The following VPS53 variants were observed in gnomAD, a reference collection of about 807,000 sequenced individuals.
VPS53 encodes the protein vacuolar protein sorting-associated protein 53 homolog.
VPS53 carries 70 observed loss-of-function variants against 107.0 expected under a neutral mutation model. The ratio of observed to expected loss-of-function variants is 0.65; its 90% CI spans 0.54 to 0.80. The LOEUF (loss-of-function observed/expected upper bound fraction) is 0.80, where lower values mean the gene tolerates loss of function less well. VPS53 is among the 30% of genes least tolerant of loss of function. VPS53 has a pLI of 0.00. For missense variants in VPS53, 917 were observed against 1,049.4 expected, an observed-to-expected ratio of 0.87 and a Z score of 1.74; for synonymous variants, 409 against 393.3, an observed-to-expected ratio of 1.04 and a Z score of -0.47.
At chr17:535,080 G>A (rs567219282) in intron 18 of VPS53, among the ~76,000 whole-genome samples, 2 of 152,332 alleles carry the variant, frequency 1.3e-5, no homozygotes, top group African/African-American at 2.4e-5. Context: ...CCATCAGGGC[G>A]GTGGTGGCTG....
chr17:612,038 TCA>T lies in VPS53; in HGVS notation c.1117-10144_1117-10143del, dbSNP rs550566649. ...ACACAGTGAAAACCTGTACAAATAT[TCA>T]CAGTGAGTTCACACAGTGAAAACCT... On this transcript the variant is annotated intron_variant, in intron 11 of 21. Coordinates refer to ENST00000437048, the MANE Select transcript of VPS53 (RefSeq NM_001128159.3). Among the ~76,000 whole-genome samples, 375 of 137,850 alleles carry T rather than the reference TCA, an allele frequency of 2.7e-3. 1 individual carries two copies. The highest frequency in any genetic ancestry group is 9.7e-3 in the African/African-American group (354 of 36,606). 90.4% of individuals were successfully genotyped at this position (137,850 alleles called of 152,430 possible). A position where few individuals can be genotyped will look rare whatever the true frequency, so the allele number is the denominator to read the frequency against.
Position 519,287 on chromosome 17 carries a change from C to G in VPS53, c.2340G>C (p.Arg780Ser). 1 of 1,491,940 alleles carries G rather than the reference C, an allele frequency of 6.7e-7. No homozygotes were observed. Among genetic ancestry groups the G allele is most frequent in the Non-Finnish European group, 8.9e-7 (1 of 1,120,758 alleles). The allele number at this position is 1,491,940 out of a possible 1,614,324, so 92.4% of individuals were successfully genotyped here. The stretch of plus-strand genomic sequence containing the variant: ...GTTCCAGCATGCTGCTCTGCTCACT[C>G]CTCTTCAGCCCCTGAGGTTGAGAGA... ...QKILDMKGLK[R>S]SEQSSMLELL... Residue 780 changes from arginine (R) to serine (S), a missense_variant, in exon 22 of 22, where the codon AGG becomes AGC. Physicochemically the swap from Arg to Ser is moderately radical, Grantham distance 110. Transcript: ENST00000437048. The surrounding 1 kb of genome is among the most constrained non-coding windows in gnomAD (Gnocchi z 5.0).
At chr17:631,654 C>G (rs778918092) in intron 7 of VPS53, 26 bp from the exon 8 acceptor site, 1 of 1,603,532 alleles carries the variant, frequency 6.2e-7, no homozygotes, top group South Asian at 1.1e-5. Context: ...AACATATCAT[C>G]ACCTGGCATC....
At chr17:704,718 C>A (rs1973335106) in intron 2 of VPS53, among the ~76,000 whole-genome samples, 1 of 152,116 alleles carries the variant, frequency 6.6e-6, no homozygotes, top group Non-Finnish European at 1.5e-5. Context: ...AGACAAGACA[C>A]AGAACTGAAT....
chr17:650,085 TAAC>T (rs1390655913), intron 7 of VPS53, among the ~76,000 whole-genome samples: 1 of 152,174 alleles, frequency 6.6e-6, no homozygotes, highest in African/African-American at 2.4e-5. Flanking sequence ...AACGTTCACG[TAAC>T]AAGAATTCCA....
Position 714,729 on chromosome 17 carries a change from C to T in VPS53, c.-20G>A. On this transcript the variant is annotated 5_prime_UTR_variant, in exon 1 of 22. Coordinates refer to ENST00000437048, the MANE Select transcript of VPS53 (RefSeq NM_001128159.3). ...CATCATTCCGCCACCCGGCCCCCTG[C>T]CGACCCCCGCCGCGAGCCCAACTCA... The T allele has an allele frequency of 1.2e-6, 2 of 1,612,566 alleles. No homozygotes were observed. Among genetic ancestry groups the T allele is most frequent in the Non-Finnish European group, 1.7e-6 (2 of 1,179,416 alleles).
chr17:598,794 T>C (rs1340085122), intron 12 of VPS53, among the ~76,000 whole-genome samples: 12 of 90,498 alleles, frequency 1.3e-4, no homozygotes, highest in South Asian at 9.1e-4. Flanking sequence ...GTGAGGAGCC[T>C]CTCTGCCCGG....
chr17:578,020 G>C (rs1172303084), intron 13 of VPS53, among the ~76,000 whole-genome samples: 2 of 148,032 alleles, frequency 1.4e-5, no homozygotes, highest in South Asian at 4.3e-4. Context: ...CGTTCCCAAA[G>C]AACTTCCCTT....
chr17:603,613 G>A lies in VPS53; in HGVS notation c.1117-1717C>T, dbSNP rs141226684. 2.0e-3 allele frequency among the ~76,000 whole-genome samples: 303 copies of A among 152,296 alleles called. 1 individual carries two copies. Among genetic ancestry groups the A allele is most frequent in the African/African-American group, 7.0e-3 (289 of 41,558 alleles). ...AGCCTTGTGGTGATGGCATTAGCTC[G>A]AGGTAATCAGTAGTAAGATGATGGT... is the stretch of plus-strand genomic sequence containing the variant. On this transcript the variant is annotated intron_variant, in intron 11 of 21. Transcript: ENST00000437048.
chr17:630,863 C>G (rs988867639), intron 8 of VPS53, among the ~76,000 whole-genome samples: 18 of 152,226 alleles, frequency 1.2e-4, no homozygotes, highest in Admixed American at 5.2e-4. Context: ...ATAGCTCAAA[C>G]AATAGAGAAA....
intron 2 of VPS53, among the ~76,000 whole-genome samples, chr17:707,087 G>A (rs1973435047): frequency 6.6e-6 from 1 of 152,230 alleles, no homozygotes. Flanking sequence ...GCCCCCTGGG[G>A]TGTGAGGAGC....
intron 10 of VPS53, 44 bp from the exon 11 acceptor site, chr17:623,718 T>C (rs778834673): frequency 8.2e-6 from 13 of 1,577,666 alleles, no homozygotes; most frequent in Middle Eastern, 1.8e-4. Flanking sequence ...AAGCTGATCA[T>C]TCATTCAGTA....
At chr17:611,747 T>G (rs1327762814) in intron 11 of VPS53, among the ~76,000 whole-genome samples, 1 of 150,238 alleles carries the variant, frequency 6.7e-6, no homozygotes, top group East Asian at 2.0e-4. Flanking sequence ...GTTCACATAG[T>G]GAAAACCTGT....
chr17:586,147 G>A, intron 13 of VPS53, 123 bp downstream of exon 13: 1 of 767,978 alleles, frequency 1.3e-6, no homozygotes, highest in Non-Finnish European at 2.2e-6. Flanking sequence ...GGGTTTCTAG[G>A]GAGGGTCACA....
At chr17:544,111 G>A (rs975195806) in intron 17 of VPS53, among the ~76,000 whole-genome samples, 4 of 152,104 alleles carry the variant, frequency 2.6e-5, no homozygotes, top group Admixed American at 2.0e-4. Flanking sequence ...AATATTCAAC[G>A]CAGATTGGAA....
At chr17:580,929 A>G (rs1332088245) in intron 13 of VPS53, among the ~76,000 whole-genome samples, 1 of 150,364 alleles carries the variant, frequency 6.7e-6, no homozygotes, top group African/African-American at 2.5e-5. Flanking sequence ...ACCCTCCCTC[A>G]AGACCTAATG....
chr17:561,287 G>A (rs913451502), intron 14 of VPS53, among the ~76,000 whole-genome samples: 6 of 152,204 alleles, frequency 3.9e-5, no homozygotes, highest in African/African-American at 1.4e-4. Flanking sequence ...GAGTTCTATG[G>A]TAGTAACCAC....
chr17:584,420 T>A (rs1382747147), intron 13 of VPS53, among the ~76,000 whole-genome samples: 1 of 152,224 alleles, frequency 6.6e-6, no homozygotes, highest in African/African-American at 2.4e-5. Flanking sequence ...TCTTTGGGAT[T>A]TTTTTAAAAA....
At chr17:627,785 CA>C (rs1839124642) in intron 9 of VPS53, among the ~76,000 whole-genome samples, 1 of 152,050 alleles carries the variant, frequency 6.6e-6, no homozygotes, top group Non-Finnish European at 1.5e-5. Flanking sequence ...CACACACACA[CA>C]CACACACACA....
Sources: allele counts gnomAD v4.1 joint callset (sites outside exome capture counted in the v4.1 genomes callset), GRCh38; gene constraint gnomAD v4.1.1; non-coding constraint Gnocchi (gnomAD v3.1); transcripts MANE v1.5; gene names NCBI Gene and HGNC (gene_info 2026-07-23, HGNC 2026-07-21).